Variants in SAMD12 observed in about 807,000 individuals in gnomAD.
SAMD12 encodes the protein sterile alpha motif domain-containing protein 12.
In SAMD12, 9 loss-of-function variants were observed where a neutral mutation model predicts 15.0. That is an observed-to-expected ratio of 0.60 (90% confidence interval 0.36 to 1.05). SAMD12 has a LOEUF of 1.05. SAMD12 is among the 50% of genes least tolerant of loss of function. The pLI, the probability that SAMD12 is intolerant of heterozygous loss-of-function variation, is 0.01. For missense variants in SAMD12, 230 were observed against 234.2 expected (o/e 0.98, Z 0.12); for synonymous variants, 86 against 90.1 (o/e 0.96, Z 0.25).
chr8:118,472,147 C>A (rs576488724), intron 2 of SAMD12, among the ~76,000 whole-genome samples: 1 of 151,994 alleles, frequency 6.6e-6, no homozygotes, highest in South Asian at 2.1e-4. Context: ...ATTAGCCGGG[C>A]GTGGTGGTGG....
At chr8:118,537,482 T>A (rs1825877359) in intron 2 of SAMD12, among the ~76,000 whole-genome samples, 1 of 152,208 alleles carries the variant, frequency 6.6e-6, no homozygotes, top group Non-Finnish European at 1.5e-5. Flanking sequence ...TTCTTTTGTA[T>A]CCTCTGACTG....
chr8:118,313,721 C>T (rs954350507), intron 4 of SAMD12, among the ~76,000 whole-genome samples: 2 of 152,004 alleles, frequency 1.3e-5, no homozygotes, highest in Non-Finnish European at 2.9e-5. Flanking sequence ...AAGAGAACAT[C>T]TCCTGTGATC....
In SAMD12 at chr8:118,505,765, C is replaced by T. The variant is rs147701643; in HGVS notation, c.193-65804G>A. ...TATACCCGATGTAATTCTAATATGTCCACCAGCTTAGAAAAGCAGAATGCT... is the reference window on the plus strand; with the variant it reads ...TATACCCGATGTAATTCTAATATGTTCACCAGCTTAGAAAAGCAGAATGCT... On this transcript the variant is annotated intron_variant, in intron 2 of 3. Coordinates refer to ENST00000314727, the MANE Select transcript of SAMD12 (RefSeq NM_207506.3). Among the ~76,000 whole-genome samples the T allele has an allele frequency of 3.2e-3, 488 of 151,874 alleles. 3 individuals carry two copies. Among genetic ancestry groups the T allele is most frequent in the African/African-American group, 0.011 (465 of 41,380 alleles).
At chr8:118,506,916 C>G (rs1824935512) in intron 2 of SAMD12, among the ~76,000 whole-genome samples, 1 of 151,884 alleles carries the variant, frequency 6.6e-6, no homozygotes, top group South Asian at 2.1e-4. Context: ...ATGAAGCTGT[C>G]TGGCAGTAGT....
intron 2 of SAMD12, among the ~76,000 whole-genome samples, chr8:118,473,287 C>T (rs80149034): frequency 0.018 from 2,734 of 152,266 alleles, 85 homozygotes; most frequent in African/African-American, 0.061. Flanking sequence ...TAAACCTTCC[C>T]TATACCTCTA....
intron 4 of SAMD12, among the ~76,000 whole-genome samples, chr8:118,310,849 T>G (rs1815592144): frequency 6.6e-6 from 1 of 152,222 alleles, no homozygotes; most frequent in Non-Finnish European, 1.5e-5. Context: ...TTCCTTCACC[T>G]GAGCCCTAAC....
At chr8:118,524,880 T>C (rs1465408817) in intron 2 of SAMD12, among the ~76,000 whole-genome samples, 1 of 152,182 alleles carries the variant, frequency 6.6e-6, no homozygotes, top group African/African-American at 2.4e-5. Flanking sequence ...TGTGGATAAT[T>C]CCAACAGCTT....
At position 118,593,921 on chromosome 8, in the gene SAMD12, T is replaced by C. The variant is rs79247585; in HGVS notation, c.14-13028A>G. On this transcript the variant is annotated intron_variant, in intron 1 of 3. Coordinates refer to ENST00000314727, the MANE Select transcript of SAMD12 (RefSeq NM_207506.3). The stretch of plus-strand genomic sequence containing the variant: ...TAAACAGCCTTCATAACCTGTCTGC[T>C]GTTCTGACTTTCATACACATTCTAG... Among the ~76,000 whole-genome samples, 742 of 152,374 alleles carry C rather than the reference T, an allele frequency of 4.9e-3. 9 individuals carry two copies. The highest frequency in any genetic ancestry group is 0.017 in the African/African-American group (701 of 41,586).
intron 3 of SAMD12, among the ~76,000 whole-genome samples, chr8:118,397,222 A>C (rs1289916189): frequency 6.6e-6 from 1 of 152,174 alleles, no homozygotes. Context: ...CCCACAGGCA[A>C]GAAGAAAGCA....
chr8:118,560,038 TA>T (rs1239478577), intron 2 of SAMD12, among the ~76,000 whole-genome samples: 1 of 152,168 alleles, frequency 6.6e-6, no homozygotes, highest in African/African-American at 2.4e-5. Context: ...AAGGAGCAAA[TA>T]TATTGTGAGG....
exon 5 of SAMD12, chr8:118,192,022 A>G (rs1157920632): frequency 6.6e-6 from 1 of 151,350 alleles, no homozygotes; most frequent in Non-Finnish European, 1.5e-5. Context: ...CTCTGAGAAG[A>G]TGGGAGAAGA....
chr8:118,473,669 T>C (rs1330235071), intron 2 of SAMD12, among the ~76,000 whole-genome samples: 1 of 152,162 alleles, frequency 6.6e-6, no homozygotes, highest in African/African-American at 2.4e-5. Context: ...TGCTTGCTAA[T>C]TGTGACTCTC....
intron 2 of SAMD12, among the ~76,000 whole-genome samples, chr8:118,479,719 A>G (rs1824069274): frequency 6.6e-6 from 1 of 151,882 alleles, no homozygotes; most frequent in Non-Finnish European, 1.5e-5. Context: ...CTGACCCATT[A>G]CTGCATCCAT....
At chr8:118,146,793 C>G in the SAMD12 span, among the ~76,000 whole-genome samples, 2 of 152,048 alleles carry the variant, frequency 1.3e-5, no homozygotes, top group Non-Finnish European at 2.9e-5. Flanking sequence ...GGAAAAGAGC[C>G]AAGAATGTTT....
chr8:118,333,880 G>T (rs10099605), intron 4 of SAMD12, among the ~76,000 whole-genome samples: 1 of 148,040 alleles, frequency 6.8e-6, no homozygotes, highest in Admixed American at 6.8e-5. Context: ...GTGTGTGTGC[G>T]TTGGTGGGGG....
At chr8:118,273,597 T>C (rs529465569) in intron 4 of SAMD12, among the ~76,000 whole-genome samples, 2 of 152,180 alleles carry the variant, frequency 1.3e-5, no homozygotes, top group Admixed American at 1.3e-4. Flanking sequence ...CAGCTCAGAG[T>C]TCGGGAGACC....
rs544787773 is a variant in SAMD12 at position 118,326,612 on chromosome 8, C to T, written c.433+52948G>A. Among the ~76,000 whole-genome samples the T allele has an allele frequency of 1.3e-4, 20 of 152,270 alleles. No individual in the cohort carries two copies. The East Asian group carries it at 3.1e-3, about 24-fold the overall frequency. On this transcript the variant is annotated intron_variant, in intron 4 of 4. Transcript: ENST00000409003. ...CTTAGTAGAGATCACCATCCTCCCT[C>T]TAGCCCCCCAACTAAGGAATTGTTA...
the SAMD12 span, among the ~76,000 whole-genome samples, chr8:118,158,657 G>A: frequency 6.6e-6 from 1 of 152,242 alleles, no homozygotes; most frequent in African/African-American, 2.4e-5. Context: ...TGGGTCTCCA[G>A]TTCTGTGGAC....
At chr8:118,286,518 T>G (rs1434810598) in intron 4 of SAMD12, among the ~76,000 whole-genome samples, 1 of 151,932 alleles carries the variant, frequency 6.6e-6, no homozygotes, top group African/African-American at 2.4e-5. Context: ...TAATAAAGGC[T>G]AACACTACCA....
Sources: gnomAD v4.1 joint callset for allele counts (sites outside exome capture counted in the v4.1 genomes callset) on GRCh38, gnomAD v4.1.1 for gene constraint, MANE v1.5 for transcripts, NCBI Gene and HGNC (gene_info 2026-07-23, HGNC 2026-07-21) for gene names.